PRDM16: variants seen among roughly 807,000 people sequenced by gnomAD.
The protein encoded by PRDM16 is histone-lysine N-methyltransferase PRDM16.
A neutral mutation model predicts 110.6 loss-of-function variants in PRDM16; 23 were observed. That is an observed-to-expected ratio of 0.21 (90% confidence interval 0.15 to 0.29). The LOEUF (loss-of-function observed/expected upper bound fraction) is 0.29. Among genes scored for constraint, PRDM16 ranks in the 10% least tolerant of loss-of-function variants. The probability of loss-of-function intolerance (pLI) is 1.00; values close to 1 mark genes in which losing one functional copy is unlikely to be tolerated. For synonymous variants in PRDM16, 799 were observed against 781.8 expected (o/e 1.02, Z -0.37); for missense variants, 1,615 against 1,794.3 (o/e 0.90, Z 1.81).
In PRDM16 at chr1:3,299,909, T is replaced by C. The variant is rs12037573; in HGVS notation, c.438+55772T>C. On this transcript the variant is annotated intron_variant, in intron 3 of 16. Coordinates refer to ENST00000270722, the MANE Select transcript of PRDM16 (RefSeq NM_022114.4). Reference sequence around the variant, plus strand: ...CTGGTTGAAGATGCCGTGCTGTGGCTGTGATGTTTCAGATCCCAGTCATGG... The same window carrying C: ...CTGGTTGAAGATGCCGTGCTGTGGCCGTGATGTTTCAGATCCCAGTCATGG... 1.8e-4 allele frequency among the ~76,000 whole-genome samples: 13 copies of C among 73,266 alleles called. 1 individual carries two copies. The South Asian group carries it at 3.9e-3, about 22-fold the overall frequency. The allele number at this position is 73,266 out of a possible 152,430, so 48.1% of individuals were successfully genotyped here. A position where few individuals can be genotyped will look rare whatever the true frequency, so the allele number is the denominator to read the frequency against.
chr1:3,437,679 C>G lies in PRDM16; in HGVS notation c.*3868C>G, dbSNP rs978925585. The G allele has an allele frequency of 4.4e-6, 1 of 226,316 alleles. No individual in the cohort carries two copies. Among genetic ancestry groups the G allele is most frequent in the Non-Finnish European group, 8.8e-6 (1 of 113,750 alleles). 14.0% of individuals were successfully genotyped at this position (226,316 alleles called of 1,614,324 possible). A position where few individuals can be genotyped will look rare whatever the true frequency, so the allele number is the denominator to read the frequency against. On this transcript the variant is annotated 3_prime_UTR_variant, in exon 17 of 17. Coordinates refer to ENST00000270722, the MANE Select transcript of PRDM16 (RefSeq NM_022114.4). ...TTGCATTCTTCCTAGAAGAGTTCCT[C>G]TGCTCCTTCCATTCCATTTTTGTGT...
intron 3 of PRDM16, among the ~76,000 whole-genome samples, chr1:3,320,860 C>A (rs2100452650): frequency 6.6e-6 from 1 of 152,308 alleles, no homozygotes; most frequent in South Asian, 2.1e-4. Context: ...CTGAGAGGAG[C>A]CTGGCTAGCT....
intron 3 of PRDM16, among the ~76,000 whole-genome samples, chr1:3,331,350 C>T (rs115966065): frequency 3.3e-5 from 5 of 152,260 alleles, no homozygotes; most frequent in African/African-American, 9.6e-5. Flanking sequence ...CCTTCATCCC[C>T]GAGTCCATTG....
chr1:3,127,743 G>C (rs1301347777), intron 1 of PRDM16, among the ~76,000 whole-genome samples: 1 of 152,246 alleles, frequency 6.6e-6, no homozygotes, highest in Admixed American at 6.5e-5. Context: ...CTGAGCGAGA[G>C]GCCGGTTTGC....
intron 1 of PRDM16, among the ~76,000 whole-genome samples, chr1:3,103,759 G>C (rs1341560737): frequency 1.3e-5 from 2 of 152,196 alleles, no homozygotes; most frequent in Admixed American, 1.3e-4. Flanking sequence ...GGAAACCAGG[G>C]CTGCTCTGGA....
In PRDM16 at chr1:3,412,414, C is replaced by T. The variant is rs1643707496; in HGVS notation, c.2217C>T (p.Pro739=). ...FLPNFPHSLY[P]FTDRALAHNL... ...CCAACTTCCCCCACTCCCTTTACCC[C>T]TTCACGGACCGAGCCCTCGCCCACA... Residue 739 remains proline (P), a synonymous_variant, in exon 9 of 17, where the codon CCC becomes CCT. Transcript: ENST00000270722. 6.2e-7 allele frequency: 1 copy of T among 1,612,710 alleles called. No individual in the cohort carries two copies. Among genetic ancestry groups the T allele is most frequent in the Non-Finnish European group, 8.5e-7 (1 of 1,179,612 alleles).
chr1:3,178,607 C>T (rs1179708828), intron 1 of PRDM16, among the ~76,000 whole-genome samples: 2 of 152,206 alleles, frequency 1.3e-5, no homozygotes, highest in Non-Finnish European at 2.9e-5. Flanking sequence ...GAGCGATCTT[C>T]TCGACATTTT....
chr1:3,256,474 G>A lies in PRDM16; in HGVS notation c.438+12337G>A, dbSNP rs1221602616. ...TCACACCAACGTAGGTGTTCATCACGGGGGAATTGCGGGGAGACAGGGAGA... is the reference window on the plus strand; with the variant it reads ...TCACACCAACGTAGGTGTTCATCACAGGGGAATTGCGGGGAGACAGGGAGA... On this transcript the variant is annotated intron_variant, in intron 3 of 16. Transcript: ENST00000270722. Among the ~76,000 whole-genome samples, 6 of 152,282 alleles carry A rather than the reference G, an allele frequency of 3.9e-5. No individual in the cohort carries two copies. The South Asian group carries it at 8.3e-4, about 21-fold the overall frequency.
In PRDM16 at chr1:3,412,616, A is replaced by G. The variant is rs772583416; in HGVS notation, c.2419A>G (p.Ile807Val). Residue 807 changes from isoleucine to valine, a missense_variant, in exon 9 of 17, where the codon ATC (isoleucine) becomes GTC (valine). By Grantham distance (29) the Ile-to-Val change is conservative (BLOSUM62 3). This residue lies in a region of PRDM16 where 772 missense variants were observed against 748.3 expected (regional missense o/e 1.03). Coordinates refer to ENST00000270722, the MANE Select transcript of PRDM16 (RefSeq NM_022114.4). ...CGAGGAGCAGCCGCTGGACCTGAGC[A>G]TCGGCAGCCGGGCCCGTGCCAGCCA... ...SGEEQPLDLSIGSRARASQNG... is the reference protein window; with the variant it reads ...SGEEQPLDLSVGSRARASQNG... 9.4e-5 allele frequency: 150 copies of G among 1,590,396 alleles called. No individual in the cohort carries two copies. Among genetic ancestry groups the G allele is most frequent in the Non-Finnish European group, 1.2e-4 (145 of 1,166,770 alleles).
At chr1:3,170,753 C>G (rs762776720) in intron 1 of PRDM16, among the ~76,000 whole-genome samples, 1 of 152,152 alleles carries the variant, frequency 6.6e-6, no homozygotes, top group African/African-American at 2.4e-5. Flanking sequence ...CTGTCCTGGC[C>G]GCTCCCGTCA....
chr1:3,160,198 C>G (rs997650307), intron 1 of PRDM16, among the ~76,000 whole-genome samples: 1 of 152,200 alleles, frequency 6.6e-6, no homozygotes, highest in African/African-American at 2.4e-5. Flanking sequence ...CCTGGGGATC[C>G]CCGGTGAGGC....
At position 3,402,749 on chromosome 1, in the gene PRDM16, G is replaced by A. The variant is rs368840302; in HGVS notation, c.677-42G>A. 1.9e-5 allele frequency: 29 copies of A among 1,566,858 alleles called. No individual in the cohort carries two copies. The African/African-American group carries it at 2.7e-4, about 15-fold the overall frequency. On this transcript the variant is annotated intron_variant, in intron 5 of 16. Transcript: ENST00000270722. The stretch of plus-strand genomic sequence containing the variant: ...GAGTCCCCTGATAGCCCTGGGCTGG[G>A]TCTCCAGCTCACTCACCACCACCTC...
intron 3 of PRDM16, among the ~76,000 whole-genome samples, chr1:3,276,952 C>T (rs1261034897): frequency 6.6e-6 from 1 of 152,102 alleles, no homozygotes; most frequent in Non-Finnish European, 1.5e-5. Flanking sequence ...CCCCGGGCAG[C>T]GTCTGCCTCT....
chr1:3,123,035 A>G (rs1187058579), intron 1 of PRDM16, among the ~76,000 whole-genome samples: 2 of 152,150 alleles, frequency 1.3e-5, no homozygotes, highest in Non-Finnish European at 2.9e-5. Context: ...CCTTGATTTC[A>G]CCAGGTCCTG....
At chr1:3,388,913 G>T (rs1286437051) in intron 4 of PRDM16, among the ~76,000 whole-genome samples, 1 of 152,206 alleles carries the variant, frequency 6.6e-6, no homozygotes, top group Non-Finnish European at 1.5e-5. Flanking sequence ...ATCCCTCATG[G>T]TTCCATGCAG....
At chr1:3,228,868 C>T (rs372761527) in intron 2 of PRDM16, among the ~76,000 whole-genome samples, 11 of 152,242 alleles carry the variant, frequency 7.2e-5, no homozygotes, top group Admixed American at 2.0e-4. Flanking sequence ...ATCACCGCCA[C>T]GGGCAGTGCT....
rs1199723250 is a variant in PRDM16, at chr1:3,405,568, C to T, written c.1106C>T (p.Pro369Leu). Residue 369 changes from proline to leucine, a missense_variant, in exon 8 of 17, where the codon CCC becomes CTC. Pro to Leu is a moderately conservative substitution (Grantham distance 98). Coordinates refer to ENST00000270722, the MANE Select transcript of PRDM16 (RefSeq NM_022114.4). ...QHVGARAHACPDCGKTFATSS... is the reference protein window; with the variant it reads ...QHVGARAHACLDCGKTFATSS... ...GTGGGCGCTCGGGCCCACGCCTGCC[C>T]CGACTGCGGGAAGACCTTCGCCACG... 4.3e-6 allele frequency: 7 copies of T among 1,611,310 alleles called. No individual in the cohort carries two copies. The highest frequency in any genetic ancestry group is 5.9e-6 in the Non-Finnish European group (7 of 1,179,132).
chr1:3,344,157 C>A (rs979146109), intron 3 of PRDM16, among the ~76,000 whole-genome samples: 1 of 152,074 alleles, frequency 6.6e-6, no homozygotes, highest in Non-Finnish European at 1.5e-5. Context: ...GACAACATAA[C>A]AAGACTCCCT....
chr1:3,196,570 C>T (rs1264374961), intron 2 of PRDM16, among the ~76,000 whole-genome samples: 3 of 152,176 alleles, frequency 2.0e-5, no homozygotes, highest in Non-Finnish European at 4.4e-5. Flanking sequence ...CCCAGGGTGC[C>T]CGTGGCACCA....
Sources: allele counts gnomAD v4.1 joint callset (sites outside exome capture counted in the v4.1 genomes callset), GRCh38; gene constraint gnomAD v4.1.1; regional missense constraint gnomAD v4.1.1; transcripts MANE v1.5; gene names NCBI Gene and HGNC (gene_info 2026-07-23, HGNC 2026-07-21).